MYO16: variants seen among roughly 807,000 people sequenced by gnomAD.
MYO16 encodes myosin XVI.
In MYO16, 94 loss-of-function variants were observed where a neutral mutation model predicts 205.3. The ratio of observed to expected loss-of-function variants is 0.46; its 90% CI spans 0.39 to 0.54. MYO16 has a LOEUF of 0.54. Among genes scored for constraint, MYO16 ranks in the 20% least tolerant of loss-of-function variants. The pLI is 0.00. For missense variants in MYO16, 2,315 were observed against 2,387.5 expected (o/e 0.97, Z 0.63); for synonymous variants, 988 against 954.0 (o/e 1.04, Z -0.66).
In MYO16 at chr13:108,911,684, G is replaced by A. The variant is rs144349507; in HGVS notation, c.1925+1534G>A. On this transcript the variant is annotated intron_variant, in intron 16 of 34. Transcript: ENST00000457511. ...ATGCAAGAGAATTGGTTTTCACTTC[G>A]AAGGTGATTTGCATCTGTGGAGATG... is the stretch of plus-strand genomic sequence containing the variant. 8.2e-4 allele frequency among the ~76,000 whole-genome samples: 125 copies of A among 152,284 alleles called. No individual in the cohort carries two copies. The East Asian group carries it at 0.021, about 25-fold the overall frequency.
rs1246273890 is a variant in MYO16, at chr13:108,752,640, T to G, written c.507+25057T>G. On this transcript the variant is annotated intron_variant, in intron 4 of 34. Transcript: ENST00000457511. ...GATTATATGGCCTTTACTTTTTTTT[T>G]TCTTTTCTTTTTTTTTTTTGAGACG... 2.0e-5 allele frequency among the ~76,000 whole-genome samples: 3 copies of G among 150,266 alleles called. No individual in the cohort carries two copies. The East Asian group carries it at 5.8e-4, about 29-fold the overall frequency.
intron 12 of MYO16, among the ~76,000 whole-genome samples, chr13:108,868,997 A>G (rs574049167): frequency 3.3e-5 from 5 of 152,254 alleles, no homozygotes; most frequent in Admixed American, 3.3e-4. Flanking sequence ...ATAAATGGAT[A>G]TAGAATTTCC....
At chr13:108,903,141 G>T (rs547343140) in intron 15 of MYO16, among the ~76,000 whole-genome samples, 7 of 152,204 alleles carry the variant, frequency 4.6e-5, no homozygotes, top group Non-Finnish European at 8.8e-5. Context: ...TCCTTTTAAT[G>T]AAAAGGTGAA....
At chr13:108,929,954 C>T (rs1293593702) in intron 16 of MYO16, among the ~76,000 whole-genome samples, 1 of 152,130 alleles carries the variant, frequency 6.6e-6, no homozygotes, top group Non-Finnish European at 1.5e-5. Context: ...AAGCTATATG[C>T]ATGAATAAGA....
chr13:108,757,483 T>A (rs1885457411), intron 4 of MYO16, among the ~76,000 whole-genome samples: 1 of 152,096 alleles, frequency 6.6e-6, no homozygotes, highest in Non-Finnish European at 1.5e-5. Context: ...TTTTTTGGGG[T>A]TTTTTTTAAT....
intron 12 of MYO16, among the ~76,000 whole-genome samples, chr13:108,871,742 G>A (rs546934121): frequency 1.3e-5 from 2 of 152,252 alleles, no homozygotes; most frequent in African/African-American, 4.8e-5. Flanking sequence ...GACTTTCTGT[G>A]ATGCTGCTGA....
At chr13:109,050,590 A>G (rs1274455837) in intron 24 of MYO16, among the ~76,000 whole-genome samples, 3 of 152,184 alleles carry the variant, frequency 2.0e-5, no homozygotes, top group Non-Finnish European at 4.4e-5. Context: ...TTAGTTTTAC[A>G]TGCGTTCATG....
At chr13:108,518,835 C>T in the MYO16 span, among the ~76,000 whole-genome samples, 11 of 152,014 alleles carry the variant, frequency 7.2e-5, no homozygotes, top group Non-Finnish European at 1.6e-4. Flanking sequence ...GAAAGAAATA[C>T]AGTGTGGAGG....
the MYO16 span, among the ~76,000 whole-genome samples, chr13:108,560,341 G>A: frequency 2.0e-5 from 3 of 152,330 alleles, no homozygotes; most frequent in African/African-American, 7.2e-5. Flanking sequence ...CCCAGAGACA[G>A]GGTGGTGAGC....
chr13:109,169,367 CAAAT>C (rs150005297), intron 33 of MYO16, among the ~76,000 whole-genome samples: 41,896 of 151,604 alleles, frequency 0.28, 7,292 homozygotes, highest in Non-Finnish European at 0.39. Context: ...AAATATAAAA[CAAAT>C]AAAATAATGT....
At chr13:108,587,131 G>T in the MYO16 span, among the ~76,000 whole-genome samples, 3 of 152,176 alleles carry the variant, frequency 2.0e-5, no homozygotes, top group Non-Finnish European at 4.4e-5. Flanking sequence ...TAGCAGGGAA[G>T]AAATGTAACC....
intron 3 of MYO16, among the ~76,000 whole-genome samples, chr13:108,722,873 T>A (rs1256520471): frequency 2.7e-5 from 4 of 147,260 alleles, no homozygotes; most frequent in Admixed American, 2.7e-4. Flanking sequence ...CTAGTGACAG[T>A]TTTTTTATTG....
At chr13:108,865,192 T>C (rs1442027026) in intron 11 of MYO16, among the ~76,000 whole-genome samples, 1 of 152,176 alleles carries the variant, frequency 6.6e-6, no homozygotes, top group East Asian at 1.9e-4. Context: ...TATAAATAAA[T>C]TGATCAATGT....
chr13:109,010,421 A>G (rs938062820), intron 22 of MYO16, among the ~76,000 whole-genome samples: 5 of 152,226 alleles, frequency 3.3e-5, no homozygotes, highest in Admixed American at 3.3e-4. Context: ...GACAATACAA[A>G]TAATAATGCT....
chr13:108,907,117 T>C (rs1881022100), intron 15 of MYO16, among the ~76,000 whole-genome samples: 1 of 152,154 alleles, frequency 6.6e-6, no homozygotes, highest in African/African-American at 2.4e-5. Flanking sequence ...AGAGTGGGTG[T>C]TGGAAATTTC....
At chr13:108,707,065 T>C (rs1883537370) in intron 2 of MYO16, among the ~76,000 whole-genome samples, 1 of 152,112 alleles carries the variant, frequency 6.6e-6, no homozygotes, top group Non-Finnish European at 1.5e-5. Flanking sequence ...TGAGTGCATG[T>C]GGATCTGAAT....
chr13:108,584,906 A>G, the MYO16 span, among the ~76,000 whole-genome samples: 1 of 152,236 alleles, frequency 6.6e-6, no homozygotes, highest in East Asian at 1.9e-4. Flanking sequence ...CAATAGAGGT[A>G]TAATTTATCA....
At chr13:108,989,595 A>G (rs1368830068) in intron 20 of MYO16, among the ~76,000 whole-genome samples, 2 of 152,108 alleles carry the variant, frequency 1.3e-5, no homozygotes, top group Non-Finnish European at 2.9e-5. Flanking sequence ...TTTTGTAGTT[A>G]TAGTAATTAA....
At chr13:109,150,555 T>C (rs934506119) in intron 32 of MYO16, among the ~76,000 whole-genome samples, 2 of 152,198 alleles carry the variant, frequency 1.3e-5, no homozygotes, top group African/African-American at 4.8e-5. Flanking sequence ...CTGCGGCAGC[T>C]AGCATGTCAG....
Sources: allele counts gnomAD v4.1 joint callset (sites outside exome capture counted in the v4.1 genomes callset), GRCh38; gene constraint gnomAD v4.1.1; transcripts MANE v1.5; gene names NCBI Gene and HGNC (gene_info 2026-07-23, HGNC 2026-07-21).